Variants in XPO1 observed in about 807,000 individuals in gnomAD.
The protein encoded by XPO1 is exportin 1, also known as exportin-1.
In XPO1, 5 loss-of-function variants were observed where a neutral mutation model predicts 133.3. The ratio of observed to expected loss-of-function variants is 0.04; its 90% CI spans 0.02 to 0.08. XPO1 has a LOEUF of 0.08. Among genes scored for constraint, XPO1 ranks in the 10% least tolerant of loss-of-function variants. The pLI, the probability that XPO1 is intolerant of heterozygous loss-of-function variation, is 1.00. For missense variants in XPO1, 506 were observed against 1,267.5 expected (o/e 0.40, Z 9.12); for synonymous variants, 419 against 408.2 (o/e 1.03, Z -0.32).
chr2:61,500,806 A>G (rs1272822554), intron 6 of XPO1, among the ~76,000 whole-genome samples: 2 of 152,104 alleles, frequency 1.3e-5, no homozygotes, highest in African/African-American at 4.8e-5. Context: ...TTCAAACAAG[A>G]AAAGAAGAAA....
intron 20 of XPO1, chr2:61,485,451 C>G (rs1696632955): frequency 5.5e-6 from 1 of 180,570 alleles, no homozygotes; most frequent in Non-Finnish European, 1.1e-5. Flanking sequence ...TCACTGCCAT[C>G]TTGAACTCCC....
In XPO1 at chr2:61,478,187, A is replaced by G. The variant is rs1044883256; in HGVS notation, c.*633T>C. 8.6e-6 allele frequency: 2 copies of G among 232,770 alleles called. No homozygotes were observed. Among genetic ancestry groups the G allele is most frequent in the African/African-American group, 4.4e-5 (2 of 45,308 alleles). The allele number at this position is 232,770 out of a possible 1,614,324, so 14.4% of individuals were successfully genotyped here. On this transcript the variant is annotated 3_prime_UTR_variant, in exon 25 of 25. Transcript: ENST00000401558. ...AAAGCTGTTGTCGACAAGCGACAGC[A>G]CACACACACAAAAACAAAAAGAACT...
At chr2:61,520,009 C>G (rs1291684239) in intron 4 of XPO1, among the ~76,000 whole-genome samples, 1 of 152,094 alleles carries the variant, frequency 6.6e-6, no homozygotes, top group Admixed American at 6.6e-5. Flanking sequence ...GTCTTCCCAA[C>G]TATAACACTG....
intron 4 of XPO1, among the ~76,000 whole-genome samples, chr2:61,517,853 G>A (rs1182257276): frequency 6.6e-6 from 1 of 151,920 alleles, no homozygotes; most frequent in Admixed American, 6.6e-5. Flanking sequence ...AGGCAAGAGG[G>A]CAGGATGCAA....
chr2:61,525,423 C>A, intron 3 of XPO1: 2 of 998,694 alleles, frequency 2.0e-6, no homozygotes, highest in Non-Finnish European at 2.4e-6. Context: ...TGCATAAAAG[C>A]CAAATGTCAT....
chr2:61,530,160 G>A (rs938455221), intron 2 of XPO1, among the ~76,000 whole-genome samples: 1 of 152,134 alleles, frequency 6.6e-6, no homozygotes. Context: ...AAGTTACTTG[G>A]TCAAGTTACC....
intron 19 of XPO1, among the ~76,000 whole-genome samples, chr2:61,486,923 T>C (rs1163900410): frequency 2.6e-5 from 4 of 152,204 alleles, no homozygotes; most frequent in African/African-American, 9.6e-5. Flanking sequence ...CATGCTACAA[T>C]GCCCAGTAAG....
rs928432127 is a variant in XPO1, at chr2:61,498,785, G to C, written c.647C>G (p.Ser216Cys). 23 of 1,613,598 alleles carry C rather than the reference G, an allele frequency of 1.4e-5. No homozygotes were observed. Among genetic ancestry groups the C allele is most frequent in the Non-Finnish European group, 1.9e-5 (23 of 1,179,858 alleles). The change falls in exon 9 of 25, where the codon TCT becomes TGT. Residue 216 changes from serine (S) to cysteine (C), a missense_variant. Ser to Cys is a moderately radical substitution (Grantham distance 112). This residue lies in a region of XPO1 where 134 missense variants were observed against 261.6 expected (regional missense o/e 0.51). Coordinates refer to ENST00000401558, the MANE Select transcript of XPO1 (RefSeq NM_003400.4). ...TGCATGTACAAGTGGAGCATTTTGAGAATTTTCCTATAACAAAACACACTT... is the reference window on the plus strand; with the variant it reads ...TGCATGTACAAGTGGAGCATTTTGACAATTTTCCTATAACAAAACACACTT... ...FQLCQFVMENSQNAPLVHATL... is the reference protein window; with the variant it reads ...FQLCQFVMENCQNAPLVHATL...
chr2:61,483,911 T>C (rs762783471), intron 21 of XPO1, 26 bp downstream of exon 21: 13 of 1,605,648 alleles, frequency 8.1e-6, no homozygotes, highest in Non-Finnish European at 1.1e-5. Flanking sequence ...GGCAGGCAAA[T>C]GAATAAAAGA....
chr2:61,479,014 C>A, intron 24 of XPO1, 48 bp from the exon 25 acceptor site: 1 of 1,583,978 alleles, frequency 6.3e-7, no homozygotes, highest in South Asian at 1.2e-5. Flanking sequence ...CTTCAACTTG[C>A]AAAGAAAGAA....
In XPO1 at chr2:61,478,569, A is replaced by C; in HGVS notation, c.*251T>G. 1 of 408,856 alleles carries C rather than the reference A, an allele frequency of 2.4e-6. No individual in the cohort carries two copies. The highest frequency in any genetic ancestry group is 4.3e-6 in the Non-Finnish European group (1 of 234,984). 25.3% of individuals were successfully genotyped at this position (408,856 alleles called of 1,614,324 possible). On this transcript the variant is annotated 3_prime_UTR_variant, in exon 25 of 25. Coordinates refer to ENST00000401558, the MANE Select transcript of XPO1 (RefSeq NM_003400.4). ...CCCCAGCCCAGCCACAAAAATGGGC[A>C]TGAAGTAAAATTTTTAAAAATGCCT...
intron 2 of XPO1, among the ~76,000 whole-genome samples, chr2:61,528,113 G>T (rs1388419765): frequency 6.6e-6 from 1 of 151,840 alleles, no homozygotes; most frequent in Non-Finnish European, 1.5e-5. Flanking sequence ...TTTCAGTAGA[G>T]ACAGGGTTTC....
chr2:61,513,297 C>G (rs1433655954), intron 4 of XPO1, among the ~76,000 whole-genome samples: 1 of 151,798 alleles, frequency 6.6e-6, no homozygotes, highest in African/African-American at 2.4e-5. Context: ...CTGTGCCCAG[C>G]CAAATCACAG....
intron 11 of XPO1, 133 bp from the exon 12 acceptor site, chr2:61,494,224 C>G (rs1329622031): frequency 1.2e-6 from 1 of 809,790 alleles, no homozygotes; most frequent in East Asian, 2.7e-5. Context: ...CAATACTTAT[C>G]AAATAGACAG....
intron 3 of XPO1, among the ~76,000 whole-genome samples, chr2:61,524,048 G>C (rs1698808298): frequency 6.6e-6 from 1 of 152,104 alleles, no homozygotes; most frequent in African/African-American, 2.4e-5. Context: ...CTAGGTCTGA[G>C]AAATATGTAA....
intron 1 of XPO1, 105 bp from the exon 2 acceptor site, chr2:61,534,008 T>C: frequency 8.7e-7 from 1 of 1,149,722 alleles, no homozygotes; most frequent in East Asian, 3.0e-5. Flanking sequence ...AATATTTTAA[T>C]GAATACTTTA....
chr2:61,509,356 G>A lies in XPO1; in HGVS notation c.302-7046C>T, dbSNP rs993933828. Among the ~76,000 whole-genome samples, 59 of 152,228 alleles carry A rather than the reference G, an allele frequency of 3.9e-4. 1 individual carries two copies. Among genetic ancestry groups the A allele is most frequent in the African/African-American group, 1.4e-3 (59 of 41,550 alleles). ...ACATGGCACTAAAAGGAAATGCTCAGGTTGGGTGAGATAGCTCACGCCTGT... is the reference window on the plus strand; with the variant it reads ...ACATGGCACTAAAAGGAAATGCTCAAGTTGGGTGAGATAGCTCACGCCTGT... On this transcript the variant is annotated intron_variant, in intron 4 of 24. Transcript: ENST00000401558.
At position 61,533,862 on chromosome 2, in the gene XPO1, T is replaced by G. The variant is rs774828373; in HGVS notation, c.36A>C (p.Ala12=). The G allele has an allele frequency of 6.2e-7, 1 of 1,606,694 alleles. No individual in the cohort carries two copies. Among genetic ancestry groups the G allele is most frequent in the South Asian group, 1.1e-5 (1 of 89,300 alleles). ...GGCTGAAATCAAGCAGCTGACGAGC[T>G]GCATGGTCTGCTAACATTGTCATAA... ...PAIMTMLADH[A]ARQLLDFSQK... The change falls in exon 2 of 25, where the codon GCA becomes GCC. Residue 12 remains alanine, a synonymous_variant. Coordinates refer to ENST00000401558, the MANE Select transcript of XPO1 (RefSeq NM_003400.4).
Position 61,478,945 on chromosome 2 carries a change from A to C in XPO1, c.3091T>G (p.Ser1031Ala). Residue 1031 changes from serine (S) to alanine (A), a missense_variant, in exon 25 of 25, where the codon TCT (serine) becomes GCT (alanine). By Grantham distance (99) the Ser-to-Ala change is moderately conservative. Around this residue, in one of 6 missense-constraint regions of XPO1, gnomAD observed 203 missense variants for 365.9 expected, o/e 0.55. Transcript: ENST00000401558. ...QIKEFAGEDT[S>A]DLFLEEREIA... ...TCTCTCTCTTCCAAAAACAAATCAG[A>C]AGTGTCTTCACCTGCAAATTCCTGT... The C allele has an allele frequency of 6.2e-7, 1 of 1,613,790 alleles. No individual in the cohort carries two copies. The highest frequency in any genetic ancestry group is 8.5e-7 in the Non-Finnish European group (1 of 1,179,910).
Sources: allele counts gnomAD v4.1 joint callset (sites outside exome capture counted in the v4.1 genomes callset), GRCh38; gene constraint gnomAD v4.1.1; regional missense constraint gnomAD v4.1.1; transcripts MANE v1.5; gene names NCBI Gene and HGNC (gene_info 2026-07-23, HGNC 2026-07-21).